The following SPMIP2 variants were observed in gnomAD, a reference collection of about 807,000 sequenced individuals.
The protein encoded by SPMIP2 is sperm microtubule inner protein 2, also known as protein SPMIP2.
the SPMIP2 span, among the ~76,000 whole-genome samples, chr4:159,002,312 A>G: frequency 2.0e-5 from 3 of 151,790 alleles, no homozygotes; most frequent in African/African-American, 7.3e-5. Context: ...TTGTAGTTTC[A>G]TTTTTTAAAG....
chr4:159,035,003 C>T, the SPMIP2 span: 2 of 1,571,658 alleles, frequency 1.3e-6, no homozygotes, highest in Non-Finnish European at 1.7e-6. Context: ...TTTAGATCTC[C>T]TTGTGAAAGC....
the SPMIP2 span, chr4:158,915,303 GC>G: frequency 3.7e-6 from 6 of 1,613,324 alleles, no homozygotes; most frequent in South Asian, 5.5e-5. Flanking sequence ...CATATGCCAG[GC>G]AAAAGAAGCG....
At chr4:159,007,637 T>G in the SPMIP2 span, 2 of 870,302 alleles carry the variant, frequency 2.3e-6, no homozygotes, top group Non-Finnish European at 1.8e-6. Flanking sequence ...GTCGGGATGC[T>G]GTGGCCAAGG....
chr4:158,899,924 TTTAATTGTGATG>T, the SPMIP2 span, among the ~76,000 whole-genome samples: 1 of 152,246 alleles, frequency 6.6e-6, no homozygotes. Flanking sequence ...CTCTAGTTCT[TTTAATTGTGATG>T]TTAGGGTGTC....
the SPMIP2 span, among the ~76,000 whole-genome samples, chr4:158,920,096 T>C: frequency 6.6e-6 from 1 of 152,316 alleles, no homozygotes; most frequent in Non-Finnish European, 1.5e-5. Context: ...ATTGTGAAGA[T>C]TTCATGGATA....
chr4:158,916,338 C>T, the SPMIP2 span, among the ~76,000 whole-genome samples: 5 of 152,154 alleles, frequency 3.3e-5, no homozygotes, highest in Admixed American at 6.5e-5. Flanking sequence ...ATGCTATTTT[C>T]GTGAGGTTAG....
chr4:158,908,980 G>A, the SPMIP2 span, among the ~76,000 whole-genome samples: 23 of 152,256 alleles, frequency 1.5e-4, no homozygotes, highest in Non-Finnish European at 2.6e-4. Context: ...GAGCCACTGT[G>A]CCTGGCCAAC....
the SPMIP2 span, among the ~76,000 whole-genome samples, chr4:158,976,037 A>G: frequency 1.3e-5 from 2 of 152,010 alleles, no homozygotes; most frequent in Admixed American, 1.3e-4. Flanking sequence ...CTGTATTCCT[A>G]TGTATTTTAT....
the SPMIP2 span, among the ~76,000 whole-genome samples, chr4:158,954,932 C>T: frequency 2.3e-4 from 35 of 152,140 alleles, no homozygotes; most frequent in African/African-American, 8.0e-4. Flanking sequence ...GTAAACCATT[C>T]CTCTATTTCC....
At chr4:159,063,870 G>A in the SPMIP2 span, among the ~76,000 whole-genome samples, 2 of 152,120 alleles carry the variant, frequency 1.3e-5, no homozygotes, top group East Asian at 1.9e-4. Context: ...TCATGGGTTT[G>A]CATTCTTCAT....
At chr4:159,026,422 G>A in the SPMIP2 span, 2 of 983,322 alleles carry the variant, frequency 2.0e-6, no homozygotes, top group South Asian at 1.3e-5. Context: ...GGAGTGGGAT[G>A]GGAAGAAAAG....
chr4:159,016,046 T>C, the SPMIP2 span, among the ~76,000 whole-genome samples: 2 of 152,246 alleles, frequency 1.3e-5, no homozygotes, highest in Non-Finnish European at 2.9e-5. Context: ...AATGTGGTCC[T>C]GAGCAGGACT....
chr4:159,035,270 A>G, the SPMIP2 span: 23 of 567,656 alleles, frequency 4.1e-5, no homozygotes, highest in East Asian at 6.5e-4. Flanking sequence ...CTCCTTGCAG[A>G]GTTCTGCATT....
At chr4:158,977,567 GAA>G in the SPMIP2 span, among the ~76,000 whole-genome samples, 1 of 14,846 alleles carries the variant, frequency 6.7e-5, no homozygotes, top group Non-Finnish European at 2.0e-4. Context: ...TTGATTTTTT[GAA>G]GGGTTTTTTG....
the SPMIP2 span, among the ~76,000 whole-genome samples, chr4:159,062,388 T>C: frequency 1.3e-5 from 2 of 152,206 alleles, no homozygotes; most frequent in East Asian, 3.8e-4. Context: ...GCCATTATGA[T>C]GGAATGGGTA....
chr4:159,063,008 G>T, the SPMIP2 span, among the ~76,000 whole-genome samples: 2 of 151,930 alleles, frequency 1.3e-5, no homozygotes, highest in Admixed American at 6.6e-5. Context: ...ATTTTTAAAT[G>T]GTCTCTATCT....
the SPMIP2 span, among the ~76,000 whole-genome samples, chr4:158,986,462 G>T: frequency 1.3e-5 from 2 of 152,098 alleles, no homozygotes; most frequent in Non-Finnish European, 2.9e-5. Context: ...ACAGAACAAA[G>T]CCCTCAGAAA....
the SPMIP2 span, among the ~76,000 whole-genome samples, chr4:159,025,703 G>GA: frequency 2.6e-5 from 4 of 151,844 alleles, no homozygotes; most frequent in Non-Finnish European, 4.4e-5. Flanking sequence ...CTTCTCAAGA[G>GA]AAAAAAACAG....
the SPMIP2 span, among the ~76,000 whole-genome samples, chr4:158,950,273 T>G: frequency 6.6e-6 from 1 of 152,222 alleles, no homozygotes; most frequent in Non-Finnish European, 1.5e-5. Flanking sequence ...GTCTTTCATT[T>G]GCACATATTG....
Sources: gnomAD v4.1 joint callset for allele counts (sites outside exome capture counted in the v4.1 genomes callset) on GRCh38, gnomAD v4.1.1 for gene constraint, MANE v1.5 for transcripts, NCBI Gene and HGNC (gene_info 2026-07-23, HGNC 2026-07-21) for gene names.